The following WNT3A variants were observed in gnomAD, a reference collection of about 807,000 sequenced individuals.
The protein encoded by WNT3A is protein Wnt-3a.
Under a neutral mutation model 37.0 loss-of-function variants are expected in WNT3A, and 17 were observed. That is an observed-to-expected ratio of 0.46 (90% confidence interval 0.31 to 0.69). The LOEUF (loss-of-function observed/expected upper bound fraction) is 0.69. WNT3A is among the 30% of genes least tolerant of loss of function. The pLI is 0.05. For synonymous variants in WNT3A, 187 were observed against 211.0 expected (o/e 0.89, Z 0.99); for missense variants, 411 against 510.2 (o/e 0.81, Z 1.87).
chr1:228,029,358 A>C (rs1338749394), intron 2 of WNT3A, among the ~76,000 whole-genome samples: 1 of 152,210 alleles, frequency 6.6e-6, no homozygotes, highest in Non-Finnish European at 1.5e-5. Flanking sequence ...GAATGTGCAT[A>C]GTACCATCCA....
chr1:228,045,956 G>A (rs545087527), intron 2 of WNT3A, among the ~76,000 whole-genome samples: 15 of 152,230 alleles, frequency 9.9e-5, no homozygotes, highest in Non-Finnish European at 1.3e-4. Flanking sequence ...CTGCCCCTAG[G>A]CAGCCGCGGC....
intron 3 of WNT3A, among the ~76,000 whole-genome samples, chr1:228,052,443 C>T (rs970995800): frequency 6.6e-6 from 1 of 152,098 alleles, no homozygotes; most frequent in Non-Finnish European, 1.5e-5. Flanking sequence ...CATGCCCAGC[C>T]GAGGGTAAAG....
intron 2 of WNT3A, among the ~76,000 whole-genome samples, chr1:228,030,407 A>G (rs1432100528): frequency 6.6e-6 from 1 of 151,372 alleles, no homozygotes; most frequent in African/African-American, 2.4e-5. Flanking sequence ...AAAAAAAAAA[A>G]AGGAAAAATA....
Position 228,022,790 on chromosome 1 carries a change from C to A in WNT3A, c.195C>A (p.Ser65Arg). 6.2e-7 allele frequency: 1 copy of A among 1,614,186 alleles called. No homozygotes were observed. ...GGAACTACGTGGAGATCATGCCCAGCGTGGCCGAGGGCATCAAGATTGGCA... is the reference window on the plus strand; with the variant it reads ...GGAACTACGTGGAGATCATGCCCAGAGTGGCCGAGGGCATCAAGATTGGCA... ...FCRNYVEIMP[S>R]VAEGIKIGIQ... The change falls in exon 2 of 4, where the codon AGC (serine) becomes AGA (arginine). Residue 65 changes from serine (S) to arginine (R), a missense_variant. Ser to Arg is a moderately radical substitution (Grantham distance 110). Coordinates refer to ENST00000284523, the MANE Select transcript of WNT3A (RefSeq NM_033131.4).
In WNT3A at chr1:228,023,018, G is replaced by A. The variant is rs2030758555; in HGVS notation, c.313+110G>A. On this transcript the variant is annotated intron_variant, in intron 2 of 3. Transcript: ENST00000284523. The stretch of plus-strand genomic sequence containing the variant: ...GCACACGGTGGGAACAGTGCCTCAC[G>A]CGGACGCTGGGGTCCTTCCCGCTTA... The A allele has an allele frequency of 5.4e-6, 8 of 1,475,790 alleles. No individual in the cohort carries two copies. In the South Asian group the frequency reaches 5.5e-5, roughly 10 times the overall value. 91.4% of individuals were successfully genotyped at this position (1,475,790 alleles called of 1,614,324 possible).
intron 1 of WNT3A, among the ~76,000 whole-genome samples, chr1:228,021,421 A>G (rs1395767594): frequency 1.3e-5 from 2 of 152,148 alleles, no homozygotes; most frequent in African/African-American, 2.4e-5. Context: ...CCCGCGGATG[A>G]GTGTTGCCTG....
intron 1 of WNT3A, among the ~76,000 whole-genome samples, chr1:228,010,675 G>T (rs191392702): frequency 2.6e-5 from 4 of 152,248 alleles, no homozygotes; most frequent in African/African-American, 9.6e-5. Flanking sequence ...CTGGCTGCTT[G>T]CAGATGGCCA....
chr1:228,045,795 G>T (rs2031390096), intron 2 of WNT3A, among the ~76,000 whole-genome samples: 1 of 152,216 alleles, frequency 6.6e-6, no homozygotes, highest in South Asian at 2.1e-4. Context: ...GTGCCTTAGA[G>T]GGGCAAGGGT....
intron 1 of WNT3A, among the ~76,000 whole-genome samples, chr1:228,022,392 C>T (rs938870269): frequency 6.6e-6 from 1 of 152,118 alleles, no homozygotes; most frequent in Non-Finnish European, 1.5e-5. Flanking sequence ...CCACTGCACT[C>T]CATCCTGGGC....
intron 3 of WNT3A, among the ~76,000 whole-genome samples, chr1:228,051,232 G>A (rs1310503937): frequency 6.6e-6 from 1 of 152,168 alleles, no homozygotes; most frequent in Non-Finnish European, 1.5e-5. Context: ...CAGAGACGGG[G>A]AGGAATTCTG....
chr1:228,025,687 G>C (rs569364783), intron 2 of WNT3A, among the ~76,000 whole-genome samples: 5 of 152,142 alleles, frequency 3.3e-5, no homozygotes, highest in Admixed American at 6.5e-5. Context: ...TAGTTTTCAG[G>C]GTATGAGTTG....
intron 3 of WNT3A, among the ~76,000 whole-genome samples, chr1:228,056,622 A>C (rs1367489060): frequency 6.6e-6 from 1 of 152,242 alleles, no homozygotes; most frequent in Non-Finnish European, 1.5e-5. Flanking sequence ...CAGTCAGCAA[A>C]GAAACAAGGC....
intron 3 of WNT3A, among the ~76,000 whole-genome samples, chr1:228,054,870 A>C (rs2102781921): frequency 6.6e-6 from 1 of 150,402 alleles, no homozygotes; most frequent in East Asian, 2.0e-4. Context: ...AAAATTATAT[A>C]ATAGGCTGGG....
Position 228,031,346 on chromosome 1 carries a change from G to A in WNT3A, c.313+8438G>A, listed in dbSNP as rs1314704989. On this transcript the variant is annotated intron_variant, in intron 2 of 3. Coordinates refer to ENST00000284523, the MANE Select transcript of WNT3A (RefSeq NM_033131.4). The surrounding 1 kb of genome is among the most constrained non-coding windows in gnomAD (Gnocchi z 4.8). ...GGAGCATCAGCCTCCCATTTATAAAGTGGAAGAATACTTACAGCTTGTCAG... is the reference window on the plus strand; with the variant it reads ...GGAGCATCAGCCTCCCATTTATAAAATGGAAGAATACTTACAGCTTGTCAG... 1.3e-5 allele frequency among the ~76,000 whole-genome samples: 2 copies of A among 152,232 alleles called. No individual in the cohort carries two copies. Among genetic ancestry groups the A allele is most frequent in the Non-Finnish European group, 2.9e-5 (2 of 68,040 alleles).
chr1:228,036,787 G>A (rs1020167840), intron 2 of WNT3A, among the ~76,000 whole-genome samples: 3 of 152,178 alleles, frequency 2.0e-5, no homozygotes, highest in Non-Finnish European at 2.9e-5. Flanking sequence ...AAGGACACAG[G>A]TACAGAGAAA....
chr1:228,051,358 C>T (rs552561660), intron 3 of WNT3A, among the ~76,000 whole-genome samples: 51 of 152,238 alleles, frequency 3.4e-4, no homozygotes, highest in African/African-American at 1.1e-3. Context: ...AGACAACAAG[C>T]GACTTGGTGG....
At chr1:228,021,098 A>G (rs1369115363) in intron 1 of WNT3A, among the ~76,000 whole-genome samples, 4 of 152,184 alleles carry the variant, frequency 2.6e-5, no homozygotes, top group Admixed American at 2.0e-4. Context: ...TCTGACGTGA[A>G]GCACTCACAT....
At chr1:228,011,929 A>C (rs1243325347) in intron 1 of WNT3A, among the ~76,000 whole-genome samples, 1 of 152,212 alleles carries the variant, frequency 6.6e-6, no homozygotes. Context: ...TAGCCGCCTC[A>C]GGGACGCACA....
Position 228,059,906 on chromosome 1 carries a change from C to A in WNT3A, c.*441C>A. ...CAGGCGGGGCTCCTCCTGAAGGAGG[C>A]GGGGCTCTAGGATGGGGCACGGCTC... On this transcript the variant is annotated 3_prime_UTR_variant, in exon 4 of 4. Transcript: ENST00000284523. 9.6e-7 allele frequency: 1 copy of A among 1,038,318 alleles called. No homozygotes were observed. Among genetic ancestry groups the A allele is most frequent in the Non-Finnish European group, 1.2e-6 (1 of 862,730 alleles). The allele number at this position is 1,038,318 out of a possible 1,614,324, so 64.3% of individuals were successfully genotyped here. A position where few individuals can be genotyped will look rare whatever the true frequency, so the allele number is the denominator to read the frequency against.
Sources: allele counts gnomAD v4.1 joint callset (sites outside exome capture counted in the v4.1 genomes callset), GRCh38; gene constraint gnomAD v4.1.1; non-coding constraint Gnocchi (gnomAD v3.1); transcripts MANE v1.5; gene names NCBI Gene and HGNC (gene_info 2026-07-23, HGNC 2026-07-21).